Variants in STXBP5 observed in about 807,000 individuals in gnomAD.
STXBP5 encodes the protein syntaxin binding protein 5.
STXBP5 carries 50 observed loss-of-function variants against 152.4 expected under a neutral mutation model. That is an observed-to-expected ratio of 0.33 (90% CI 0.26 to 0.42). The LOEUF (loss-of-function observed/expected upper bound fraction) is 0.42. Ranked by LOEUF, STXBP5 falls within the 10% of genes least tolerant of loss-of-function variation. The pLI is 1.00. For synonymous variants in STXBP5, 492 were observed against 494.7 expected (o/e 0.99, Z 0.07); for missense variants, 1,167 against 1,388.6 (o/e 0.84, Z 2.54).
At position 147,314,294 on chromosome 6, in the gene STXBP5, T is replaced by A; in HGVS notation, c.1324T>A (p.Leu442Met). ...GCCCATCAACGGAGGTAATTGGGGCTTGGGTGCTCAAAGTTACCCAGAAAT... is the reference window on the plus strand; with the variant it reads ...GCCCATCAACGGAGGTAATTGGGGCATGGGTGCTCAAAGTTACCCAGAAAT... ...EWPINGGNWG[L>M]GAQSYPEIII... Residue 442 changes from leucine (L) to methionine (M), a missense_variant, in exon 13 of 28, where the codon TTG becomes ATG. Physicochemically the swap from Leu to Met is conservative, Grantham distance 15 (BLOSUM62 2). This residue lies in a region of STXBP5 where 833 missense variants were observed against 986.3 expected (regional missense o/e 0.84). Transcript: ENST00000321680. 1 of 1,612,920 alleles carries A rather than the reference T, an allele frequency of 6.2e-7. No individual in the cohort carries two copies. The highest frequency in any genetic ancestry group is 1.7e-5 in the Admixed American group (1 of 59,972).
chr6:147,222,389 G>A (rs1470669000), intron 2 of STXBP5, among the ~76,000 whole-genome samples: 1 of 152,146 alleles, frequency 6.6e-6, no homozygotes, highest in African/African-American at 2.4e-5. Flanking sequence ...GGGGGGAAGG[G>A]AAGTGTGCTA....
chr6:147,365,234 T>C (rs1324220824), intron 25 of STXBP5, among the ~76,000 whole-genome samples: 4 of 152,216 alleles, frequency 2.6e-5, no homozygotes, highest in Non-Finnish European at 5.9e-5. Context: ...ATATCTGACA[T>C]TAGATTTAAA....
chr6:147,305,871 C>G (rs1487710788), intron 9 of STXBP5, among the ~76,000 whole-genome samples: 1 of 151,984 alleles, frequency 6.6e-6, no homozygotes, highest in African/African-American at 2.4e-5. Context: ...TAAGTGTTCC[C>G]TCTAAAATGG....
At chr6:147,341,686 T>C (rs1294492611) in intron 21 of STXBP5, among the ~76,000 whole-genome samples, 1 of 151,818 alleles carries the variant, frequency 6.6e-6, no homozygotes, top group Non-Finnish European at 1.5e-5. Flanking sequence ...TGTGTGTGGG[T>C]GTGTTGTGGG....
chr6:147,340,445 GT>G (rs1457338425), intron 21 of STXBP5, among the ~76,000 whole-genome samples: 2 of 151,848 alleles, frequency 1.3e-5, no homozygotes, highest in Non-Finnish European at 2.9e-5. Flanking sequence ...TATTTGTGGG[GT>G]TTTAGTGACT....
intron 17 of STXBP5, among the ~76,000 whole-genome samples, chr6:147,325,963 A>G (rs1026440851): frequency 6.6e-6 from 1 of 152,242 alleles, no homozygotes; most frequent in Non-Finnish European, 1.5e-5. Flanking sequence ...TGTATTAGGT[A>G]TATGTAAATA....
chr6:147,335,456 G>A (rs1438964896), intron 19 of STXBP5, among the ~76,000 whole-genome samples: 3 of 152,132 alleles, frequency 2.0e-5, no homozygotes, highest in Non-Finnish European at 4.4e-5. Context: ...TTTGGACATG[G>A]AACATGTGAT....
At chr6:147,315,291 A>G (rs1046596305) in intron 14 of STXBP5, among the ~76,000 whole-genome samples, 1 of 152,092 alleles carries the variant, frequency 6.6e-6, no homozygotes, top group Non-Finnish European at 1.5e-5. Context: ...ATCCATTGTG[A>G]TAATAGATTT....
intron 2 of STXBP5, among the ~76,000 whole-genome samples, chr6:147,229,157 A>G (rs1343227422): frequency 2.6e-5 from 4 of 152,104 alleles, no homozygotes; most frequent in African/African-American, 7.2e-5. Flanking sequence ...AAGTTGCTAA[A>G]TAGGTTAAAT....
At chr6:147,354,303 G>C (rs1271960560) in intron 22 of STXBP5, among the ~76,000 whole-genome samples, 1 of 152,092 alleles carries the variant, frequency 6.6e-6, no homozygotes, top group Non-Finnish European at 1.5e-5. Flanking sequence ...GTGGTTATGA[G>C]TGAGTAGGCA....
chr6:147,350,761 T>C (rs936779356), intron 21 of STXBP5, among the ~76,000 whole-genome samples: 3 of 149,306 alleles, frequency 2.0e-5, no homozygotes, highest in Non-Finnish European at 4.4e-5. Flanking sequence ...ATATCTCACC[T>C]TATTATTAAC....
intron 16 of STXBP5, among the ~76,000 whole-genome samples, chr6:147,318,656 A>C (rs1782762517): frequency 6.6e-6 from 1 of 151,414 alleles, no homozygotes. Context: ...GCTGCTGGTT[A>C]GTCCCAGTAG....
intron 3 of STXBP5, among the ~76,000 whole-genome samples, chr6:147,236,870 C>T (rs939131265): frequency 2.0e-5 from 3 of 151,778 alleles, no homozygotes; most frequent in African/African-American, 7.3e-5. Flanking sequence ...CCTCCGCCTC[C>T]CGGGTTCAAA....
intron 22 of STXBP5, 96 bp downstream of exon 22, chr6:147,353,469 A>G: frequency 1.3e-6 from 1 of 763,838 alleles, no homozygotes; most frequent in Non-Finnish European, 2.0e-6. Context: ...GTCATTGGAA[A>G]GCAAGTTTAA....
At chr6:147,366,692 A>G (rs185585490) in intron 25 of STXBP5, among the ~76,000 whole-genome samples, 1 of 152,328 alleles carries the variant, frequency 6.6e-6, no homozygotes, top group East Asian at 1.9e-4. Flanking sequence ...TAATTTCCCC[A>G]GAGCAAGATA....
At chr6:147,335,755 C>A (rs942252425) in intron 19 of STXBP5, among the ~76,000 whole-genome samples, 1 of 151,776 alleles carries the variant, frequency 6.6e-6, no homozygotes, top group African/African-American at 2.4e-5. Context: ...GAGCCGAGAT[C>A]GCGCCACTGC....
chr6:147,377,710 A>G (rs184957566), intron 26 of STXBP5, among the ~76,000 whole-genome samples: 71 of 151,910 alleles, frequency 4.7e-4, no homozygotes, highest in Admixed American at 4.6e-3. Flanking sequence ...TGAGGACAAT[A>G]CCCTTTTTAC....
rs1404522058 is a variant in STXBP5, at chr6:147,267,171, A to G, written c.714+4A>G. ...CTACAGATACACATATGATGAGGTA[A>G]TATTATTTTTGCTAGTAAAAGCTAT... is the stretch of plus-strand genomic sequence containing the variant. On this transcript the variant is annotated splice_donor_region_variant and intron_variant, in intron 7 of 27. Transcript: ENST00000321680. 5.0e-6 allele frequency: 8 copies of G among 1,588,722 alleles called. No individual in the cohort carries two copies. Among genetic ancestry groups the G allele is most frequent in the Non-Finnish European group, 6.8e-6 (8 of 1,172,276 alleles).
At chr6:147,351,925 C>G in intron 21 of STXBP5, 1 of 976,280 alleles carries the variant, frequency 1.0e-6, no homozygotes, top group South Asian at 4.7e-5. Context: ...CCTAACAGTC[C>G]AAAATTTAAC....
Sources: allele counts gnomAD v4.1 joint callset (sites outside exome capture counted in the v4.1 genomes callset), GRCh38; gene constraint gnomAD v4.1.1; regional missense constraint gnomAD v4.1.1; transcripts MANE v1.5; gene names NCBI Gene and HGNC (gene_info 2026-07-23, HGNC 2026-07-21).